Variants in IMMP2L observed in about 807,000 individuals in gnomAD.
The protein encoded by IMMP2L is mitochondrial inner membrane protease subunit 2.
Under a neutral mutation model 19.3 loss-of-function variants are expected in IMMP2L, and 18 were observed. The ratio of observed to expected loss-of-function variants is 0.93; its 90% confidence interval spans 0.64 to 1.38. The LOEUF (loss-of-function observed/expected upper bound fraction) is 1.38. Among genes scored for constraint, IMMP2L ranks in the 40% most tolerant of loss-of-function variants. The probability of loss-of-function intolerance (pLI) is 0.00; values close to 1 mark genes in which losing one functional copy is unlikely to be tolerated. For missense variants in IMMP2L, 233 were observed against 218.2 expected, an observed-to-expected ratio of 1.07 and a Z score of -0.43; for synonymous variants, 76 against 73.0, an observed-to-expected ratio of 1.04 and a Z score of -0.21.
intron 3 of IMMP2L, among the ~76,000 whole-genome samples, chr7:111,240,281 C>G (rs1329762483): frequency 1.3e-5 from 2 of 151,992 alleles, no homozygotes; most frequent in Non-Finnish European, 1.5e-5. Flanking sequence ...CCTTTAAAAA[C>G]TGTTCTTCTA....
chr7:111,152,345 AT>A (rs1338964285), intron 3 of IMMP2L, among the ~76,000 whole-genome samples: 3 of 152,050 alleles, frequency 2.0e-5, no homozygotes. Flanking sequence ...CTTGCCTCTT[AT>A]GTATAACTTT....
chr7:111,231,376 T>C (rs1813699710), intron 3 of IMMP2L, among the ~76,000 whole-genome samples: 1 of 152,018 alleles, frequency 6.6e-6, no homozygotes, highest in African/African-American at 2.4e-5. Context: ...AGGTCTTCTT[T>C]GATTTTCCCA....
chr7:111,098,361 A>G (rs1489011221), intron 3 of IMMP2L, among the ~76,000 whole-genome samples: 1 of 151,830 alleles, frequency 6.6e-6, no homozygotes, highest in African/African-American at 2.4e-5. Flanking sequence ...CATTTCCTCA[A>G]TCAATTACTT....
In IMMP2L at chr7:111,233,115, TG is replaced by T. The variant is rs1232639409; in HGVS notation, c.239+254122del. On this transcript the variant is annotated intron_variant, in intron 3 of 5. Coordinates refer to ENST00000405709, the MANE Select transcript of IMMP2L (RefSeq NM_032549.4). ...TAACTCATCTTAGATGCTCAATAAA[TG>T]TCTGCTAGATGAATGTACACTTTAT... Among the ~76,000 whole-genome samples the T allele has an allele frequency of 2.0e-5, 3 of 152,142 alleles. No individual in the cohort carries two copies. In the East Asian group the frequency reaches 5.8e-4, roughly 29 times the overall value.
At chr7:111,190,642 G>A (rs940722956) in intron 3 of IMMP2L, among the ~76,000 whole-genome samples, 1 of 152,078 alleles carries the variant, frequency 6.6e-6, no homozygotes, top group South Asian at 2.1e-4. Context: ...CTAACAATAT[G>A]TGACCTTGGG....
chr7:110,712,207 G>A (rs1254585209), intron 5 of IMMP2L, among the ~76,000 whole-genome samples: 5 of 135,732 alleles, frequency 3.7e-5, no homozygotes, highest in Admixed American at 7.8e-5. Context: ...GTCCTTTCTG[G>A]TTGTTAGTTT....
Position 111,328,379 on chromosome 7 carries a change from A to T in IMMP2L, c.239+158859T>A, listed in dbSNP as rs75859478. Among the ~76,000 whole-genome samples, 638 of 151,942 alleles carry T rather than the reference A, an allele frequency of 4.2e-3. 4 individuals are homozygous for T. Among genetic ancestry groups the T allele is most frequent in the African/African-American group, 0.015 (605 of 41,530 alleles). On this transcript the variant is annotated intron_variant, in intron 3 of 5. Coordinates refer to ENST00000405709, the MANE Select transcript of IMMP2L (RefSeq NM_032549.4). ...GAACTAAATAGGAGCCCACAGAATG[A>T]TACTTAGAAATGCATTTACATGGTT...
In IMMP2L at chr7:110,668,301, C is replaced by T. The variant is rs540737374; in HGVS notation, c.409-4580G>A. Among the ~76,000 whole-genome samples the T allele has an allele frequency of 4.4e-3, 677 of 152,316 alleles. 6 individuals carry two copies. The highest frequency in any genetic ancestry group is 0.016 in the African/African-American group (653 of 41,554). Reference sequence around the variant, plus strand: ...CATCTATGTTAACTTCCAGGAAATACTTCCCTAGACCTAAGTGATCTGTCA... The same window carrying T: ...CATCTATGTTAACTTCCAGGAAATATTTCCCTAGACCTAAGTGATCTGTCA... On this transcript the variant is annotated intron_variant, in intron 5 of 5. Coordinates refer to ENST00000405709, the MANE Select transcript of IMMP2L (RefSeq NM_032549.4).
At chr7:111,113,689 A>T (rs1409479318) in intron 3 of IMMP2L, among the ~76,000 whole-genome samples, 1 of 151,878 alleles carries the variant, frequency 6.6e-6, no homozygotes, top group Non-Finnish European at 1.5e-5. Context: ...GAAATGCAGG[A>T]TAATTGAAAG....
At chr7:111,099,028 G>T (rs2129579540) in intron 3 of IMMP2L, among the ~76,000 whole-genome samples, 1 of 151,620 alleles carries the variant, frequency 6.6e-6, no homozygotes, top group East Asian at 1.9e-4. Flanking sequence ...ATTTATATCT[G>T]AGTTTTGCTA....
chr7:111,287,325 T>A (rs1360923638), intron 3 of IMMP2L, among the ~76,000 whole-genome samples: 1 of 152,158 alleles, frequency 6.6e-6, no homozygotes, highest in Non-Finnish European at 1.5e-5. Context: ...CTTTACCTGC[T>A]CAGAAGTATT....
chr7:111,304,637 TAATG>T (rs1822637260), intron 3 of IMMP2L, among the ~76,000 whole-genome samples: 1 of 150,796 alleles, frequency 6.6e-6, no homozygotes, highest in Admixed American at 6.6e-5. Context: ...TATACATACA[TAATG>T]TATGGGTGTT....
At chr7:111,181,786 A>G (rs1369598424) in intron 3 of IMMP2L, among the ~76,000 whole-genome samples, 1 of 152,026 alleles carries the variant, frequency 6.6e-6, no homozygotes, top group Non-Finnish European at 1.5e-5. Flanking sequence ...ATAAAAGCTA[A>G]CACAATAATA....
At chr7:110,944,436 G>A (rs1024524122) in intron 4 of IMMP2L, among the ~76,000 whole-genome samples, 1 of 148,184 alleles carries the variant, frequency 6.7e-6, no homozygotes, top group Admixed American at 6.7e-5. Flanking sequence ...GAATAGTATA[G>A]CTCAAGCACA....
intron 3 of IMMP2L, among the ~76,000 whole-genome samples, chr7:111,176,603 T>C (rs191434902): frequency 5.9e-5 from 9 of 152,074 alleles, no homozygotes; most frequent in South Asian, 2.1e-4. Flanking sequence ...GAGAGAAGAA[T>C]GATGGTTATC....
At chr7:111,317,025 T>A (rs765385451) in intron 3 of IMMP2L, among the ~76,000 whole-genome samples, 5 of 151,892 alleles carry the variant, frequency 3.3e-5, no homozygotes, top group Non-Finnish European at 5.9e-5. Flanking sequence ...AATTTTTGTA[T>A]TTTTAGTAGA....
At chr7:110,914,190 C>T (rs1239682802) in intron 4 of IMMP2L, among the ~76,000 whole-genome samples, 1 of 152,160 alleles carries the variant, frequency 6.6e-6, no homozygotes, top group Non-Finnish European at 1.5e-5. Flanking sequence ...GATGTTTCAT[C>T]TTCTGTTATA....
chr7:110,763,739 T>G (rs1303526291), intron 5 of IMMP2L, among the ~76,000 whole-genome samples: 2 of 152,148 alleles, frequency 1.3e-5, no homozygotes, highest in Non-Finnish European at 2.9e-5. Context: ...GTATTTCAAA[T>G]AAGGGCCATT....
chr7:110,788,183 CA>C (rs1800217657), intron 5 of IMMP2L, among the ~76,000 whole-genome samples: 1 of 151,974 alleles, frequency 6.6e-6, no homozygotes, highest in Non-Finnish European at 1.5e-5. Context: ...CCTTTACAGC[CA>C]AACTCTTCGA....
Sources: allele counts gnomAD v4.1 joint callset (sites outside exome capture counted in the v4.1 genomes callset), GRCh38; gene constraint gnomAD v4.1.1; transcripts MANE v1.5; gene names NCBI Gene and HGNC (gene_info 2026-07-23, HGNC 2026-07-21).